The following PHF20 variants were observed in gnomAD, a reference collection of about 807,000 sequenced individuals.
PHF20 encodes glioma-expressed antigen 2.
A neutral mutation model predicts 113.5 loss-of-function variants in PHF20; 23 were observed. That is an observed-to-expected ratio of 0.20 (90% CI 0.15 to 0.29). The LOEUF (loss-of-function observed/expected upper bound fraction) is 0.29. Ranked by LOEUF, PHF20 falls within the 10% of genes least tolerant of loss-of-function variation. The pLI is 1.00. For missense variants in PHF20, 943 were observed against 1,219.6 expected (o/e 0.77, Z 3.38); for synonymous variants, 434 against 457.3 (o/e 0.95, Z 0.65).
intron 2 of PHF20, among the ~76,000 whole-genome samples, chr20:35,807,661 A>T (rs955704910): frequency 6.6e-6 from 1 of 152,068 alleles, no homozygotes; most frequent in Non-Finnish European, 1.5e-5. Context: ...CCAGATCTTT[A>T]TATATATATT....
chr20:35,939,093 A>C lies in PHF20; in HGVS notation c.2697A>C (p.Lys899Asn). 3 of 1,606,252 alleles carry C rather than the reference A, an allele frequency of 1.9e-6. No individual in the cohort carries two copies. The change falls in exon 16 of 18, where the codon AAA becomes AAC. Residue 899 changes from lysine (K) to asparagine (N), a missense_variant. This residue lies in a region of PHF20 where 349 missense variants were observed against 412.3 expected (regional missense o/e 0.85). Coordinates refer to ENST00000374012, the MANE Select transcript of PHF20 (RefSeq NM_016436.5). Reference protein sequence around the residue: ...QDRSKGDSDPKPGSPKVKEYV... With the variant: ...QDRSKGDSDPNPGSPKVKEYV... ...GGAGCAAGGGGGACAGTGACCCCAA[A>C]CCCGGCTCCCCAAAGGTATGTGGCT...
chr20:35,906,189 G>C (rs2055197384), intron 10 of PHF20, among the ~76,000 whole-genome samples: 1 of 152,186 alleles, frequency 6.6e-6, no homozygotes, highest in Non-Finnish European at 1.5e-5. Flanking sequence ...GCACTGGAGT[G>C]GGCACCTCTT....
chr20:35,807,237 G>T (rs1600759738), intron 2 of PHF20, among the ~76,000 whole-genome samples: 1 of 151,396 alleles, frequency 6.6e-6, no homozygotes, highest in Non-Finnish European at 1.5e-5. Flanking sequence ...ACTTATTCAT[G>T]TTTTACTTTA....
At chr20:35,878,522 CA>C in intron 9 of PHF20, 1 of 634,694 alleles carries the variant, frequency 1.6e-6, no homozygotes, top group East Asian at 2.8e-5. Flanking sequence ...CAAACTTATT[CA>C]AAAAGCTAAA....
intron 4 of PHF20, chr20:35,853,246 AAAAAG>A (rs1383340720): frequency 2.0e-5 from 3 of 152,034 alleles, no homozygotes; most frequent in African/African-American, 4.8e-5. Flanking sequence ...AGAAAGAAAA[AAAAAG>A]AAAAGACTAG....
At chr20:35,934,463 T>G (rs148303350) in intron 15 of PHF20, among the ~76,000 whole-genome samples, 2 of 152,362 alleles carry the variant, frequency 1.3e-5, no homozygotes, top group East Asian at 3.9e-4. Flanking sequence ...GGAACTTTGT[T>G]TCCTTCTGTC....
chr20:35,858,283 A>G lies in PHF20; in HGVS notation c.341-19A>G, dbSNP rs912652564. On this transcript the variant is annotated intron_variant, in intron 4 of 17. Coordinates refer to ENST00000374012, the MANE Select transcript of PHF20 (RefSeq NM_016436.5). ...CATGAAATTGTGAGTTAAAATCATG[A>G]TATCTTCTTGAATTTTAGGTACTTA... 7.7e-7 allele frequency: 1 copy of G among 1,304,788 alleles called. No individual in the cohort carries two copies. Among genetic ancestry groups the G allele is most frequent in the Non-Finnish European group, 1.1e-6 (1 of 905,350 alleles). 80.8% of individuals were successfully genotyped at this position (1,304,788 alleles called of 1,614,324 possible).
intron 2 of PHF20, among the ~76,000 whole-genome samples, chr20:35,823,648 A>AG (rs1379363866): frequency 6.6e-6 from 1 of 151,130 alleles, no homozygotes; most frequent in South Asian, 2.1e-4. Context: ...AAAAAAAAAA[A>AG]AAAAAAGGGG....
At chr20:35,822,138 T>C (rs1260281885) in intron 2 of PHF20, among the ~76,000 whole-genome samples, 2 of 152,180 alleles carry the variant, frequency 1.3e-5, no homozygotes. Context: ...GTGCGGTGGC[T>C]CACGCCTGTA....
chr20:35,864,585 T>G (rs923458166), intron 6 of PHF20, among the ~76,000 whole-genome samples: 2 of 152,188 alleles, frequency 1.3e-5, no homozygotes, highest in Non-Finnish European at 2.9e-5. Context: ...AAAATTTAAC[T>G]TACTTCACAT....
chr20:35,822,372 T>A (rs2042183694), intron 2 of PHF20, among the ~76,000 whole-genome samples: 1 of 151,312 alleles, frequency 6.6e-6, no homozygotes, highest in Non-Finnish European at 1.5e-5. Flanking sequence ...GAGCTATGAT[T>A]GTGCTGCTAT....
At chr20:35,796,380 G>A (rs2041667615) in intron 1 of PHF20, among the ~76,000 whole-genome samples, 1 of 152,100 alleles carries the variant, frequency 6.6e-6, no homozygotes, top group African/African-American at 2.4e-5. Context: ...AGAATCTTAT[G>A]TAAAGAGCTA....
At chr20:35,810,609 C>T (rs2041960113) in intron 2 of PHF20, among the ~76,000 whole-genome samples, 1 of 152,008 alleles carries the variant, frequency 6.6e-6, no homozygotes, top group South Asian at 2.1e-4. Flanking sequence ...AGTTATTTGC[C>T]CAAGGTCACA....
At chr20:35,927,986 C>A in intron 14 of PHF20, 107 bp downstream of exon 14, 1 of 803,004 alleles carries the variant, frequency 1.2e-6, no homozygotes, top group Non-Finnish European at 2.2e-6. Flanking sequence ...ATTTCTTCAG[C>A]ATCGGCTAGA....
chr20:35,843,546 G>A (rs1434427632), intron 3 of PHF20, among the ~76,000 whole-genome samples: 1 of 146,284 alleles, frequency 6.8e-6, no homozygotes. Context: ...AAAAAAAAGT[G>A]ATCATTCCAT....
intron 15 of PHF20, among the ~76,000 whole-genome samples, chr20:35,938,162 G>A (rs73618554): frequency 0.011 from 1,605 of 152,054 alleles, 18 homozygotes; most frequent in East Asian, 0.04. Flanking sequence ...GTGAGCCACC[G>A]CCCCCGGCCC....
At position 35,797,513 on chromosome 20, in the gene PHF20, C is replaced by CA. The variant is rs1396205999; in HGVS notation, c.-32-3964dup. On this transcript the variant is annotated intron_variant, in intron 1 of 17. Transcript: ENST00000374012. ...TGGGCGACAGAGTGAGACCCTGTCT[C>CA]AAAAAAAAAAAAAAGAAAAAAATAT... is the stretch of plus-strand genomic sequence containing the variant. 3.0e-3 allele frequency among the ~76,000 whole-genome samples: 241 copies of CA among 80,868 alleles called. 1 individual carries two copies. The highest frequency in any genetic ancestry group is 7.2e-3 in the African/African-American group (154 of 21,304). The allele number at this position is 80,868 out of a possible 152,430, so 53.1% of individuals were successfully genotyped here.
chr20:35,834,555 A>G (rs765142429), intron 2 of PHF20, among the ~76,000 whole-genome samples: 17 of 152,018 alleles, frequency 1.1e-4, no homozygotes, highest in Non-Finnish European at 2.2e-4. Context: ...CCAGCCAGCT[A>G]TGCTTCTTTT....
In PHF20 at chr20:35,905,684, C is replaced by T. The variant is rs182781894; in HGVS notation, c.1561+6036C>T. 6.6e-5 allele frequency among the ~76,000 whole-genome samples: 10 copies of T among 152,310 alleles called. No individual in the cohort carries two copies. The East Asian group carries it at 1.5e-3, about 24-fold the overall frequency. ...GTTTTGTTATAACAGCCTGAGCAGA[C>T]TAACCCACGCCTTAAGGAGTGAGGC... On this transcript the variant is annotated intron_variant, in intron 10 of 17. Transcript: ENST00000374012.
Sources: gnomAD v4.1 joint callset for allele counts (sites outside exome capture counted in the v4.1 genomes callset) on GRCh38, gnomAD v4.1.1 for gene constraint, gnomAD v4.1.1 regional missense constraint, MANE v1.5 for transcripts, NCBI Gene and HGNC (gene_info 2026-07-23, HGNC 2026-07-21) for gene names.